The following SERPINB3 variants were observed in gnomAD, a reference collection of about 807,000 sequenced individuals.
SERPINB3 encodes the protein serpin family B member 3, also known as serpin B3.
A neutral mutation model predicts 33.0 loss-of-function variants in SERPINB3; 33 were observed. The observed-to-expected ratio is 1.00, with a 90% confidence interval of 0.76 to 1.34. The LOEUF (loss-of-function observed/expected upper bound fraction) is 1.34, where lower values mean the gene tolerates loss of function less well. Ranked by LOEUF, SERPINB3 falls within the 40% of genes most tolerant of loss-of-function variation. The pLI, the probability that SERPINB3 is intolerant of heterozygous loss-of-function variation, is 0.00. For missense variants in SERPINB3, 518 were observed against 461.5 expected, an observed-to-expected ratio of 1.12 and a Z score of -1.12; for synonymous variants, 200 against 170.9, an observed-to-expected ratio of 1.17 and a Z score of -1.33.
Position 63,657,429 on chromosome 18 carries a change from A to T in SERPINB3, c.470-17T>A. 1 of 1,582,288 alleles carries T rather than the reference A, an allele frequency of 6.3e-7. No homozygotes were observed. Among genetic ancestry groups the T allele is most frequent in the Non-Finnish European group, 8.6e-7 (1 of 1,163,934 alleles). Reference sequence around the variant, plus strand: ...TAATTTTTTCTGCAAGGGAAAGAATAAAAGAGTCTTTTACACAAGCTACAA... The same window carrying T: ...TAATTTTTTCTGCAAGGGAAAGAATTAAAGAGTCTTTTACACAAGCTACAA... On this transcript the variant is annotated splice_polypyrimidine_tract_variant and intron_variant, in intron 5 of 7. Transcript: ENST00000283752.
rs200936767 is a variant in SERPINB3, at chr18:63,661,048, C to T, written c.165+4G>A. 30 of 1,613,470 alleles carry T rather than the reference C, an allele frequency of 1.9e-5. No homozygotes were observed. The Admixed American group carries it at 3.7e-4, about 20-fold the overall frequency. On this transcript the variant is annotated splice_donor_region_variant and intron_variant, in intron 2 of 7. Transcript: ENST00000283752. Reference sequence around the variant, plus strand: ...CAGGACAACATAATGATGCTGATAGCTACCTTCTTAATCTGTTGTGCAGTG... The same window carrying T: ...CAGGACAACATAATGATGCTGATAGTTACCTTCTTAATCTGTTGTGCAGTG...
rs771937049 is a variant in SERPINB3, at chr18:63,655,611, A to G, written c.*46T>C. The G allele has an allele frequency of 1.9e-5, 30 of 1,547,014 alleles. No homozygotes were observed. The highest frequency in any genetic ancestry group is 2.3e-5 in the Non-Finnish European group (26 of 1,142,220). ...TTGCCAGCAATCAGTTTACCAGAAC[A>G]TCTGCAGGTGAACATTTTCCAAATG... On this transcript the variant is annotated 3_prime_UTR_variant, in exon 8 of 8. Coordinates refer to ENST00000283752, the MANE Select transcript of SERPINB3 (RefSeq NM_006919.3).
intron 5 of SERPINB3, 133 bp downstream of exon 5, chr18:63,658,380 T>G: frequency 1.4e-6 from 1 of 691,966 alleles, no homozygotes; most frequent in Non-Finnish European, 2.5e-6. Context: ...AAACTCTTCA[T>G]CTGGAGTGCC....
chr18:63,658,747 A>C, intron 4 of SERPINB3, 117 bp from the exon 5 acceptor site: 1 of 762,534 alleles, frequency 1.3e-6, no homozygotes, highest in Non-Finnish European at 2.1e-6. Context: ...TAGATGCAGT[A>C]TCTCCTGTCC....
At chr18:63,659,248 G>A in intron 4 of SERPINB3, 151 bp downstream of exon 4, 2 of 787,844 alleles carry the variant, frequency 2.5e-6, no homozygotes, top group Admixed American at 3.8e-5. Flanking sequence ...CTCCAGTGGG[G>A]GAGAGTTGTG....
intron 4 of SERPINB3, 43 bp from the exon 5 acceptor site, chr18:63,658,673 A>G (rs1266152022): frequency 7.0e-7 from 1 of 1,435,840 alleles, no homozygotes; most frequent in East Asian, 2.3e-5. Flanking sequence ...AGAGTAATTT[A>G]TGTAACTATA....
At chr18:63,658,685 A>C in intron 4 of SERPINB3, 55 bp from the exon 5 acceptor site, 1 of 1,343,476 alleles carries the variant, frequency 7.4e-7, no homozygotes, top group Non-Finnish European at 1.1e-6. Flanking sequence ...GTAACTATAT[A>C]TTACCAAATT....
chr18:63,657,261 A>G lies in SERPINB3; in HGVS notation c.612+9T>C. 2 of 1,386,520 alleles carry G rather than the reference A, an allele frequency of 1.4e-6. No homozygotes were observed. Among genetic ancestry groups the G allele is most frequent in the South Asian group, 2.6e-5 (2 of 77,902 alleles). 85.9% of individuals were successfully genotyped at this position (1,386,520 alleles called of 1,614,324 possible). A position where few individuals can be genotyped will look rare whatever the true frequency, so the allele number is the denominator to read the frequency against. On this transcript the variant is annotated intron_variant, in intron 6 of 7. Transcript: ENST00000283752. ...ATATTACATTATATAAATAAAATAT[A>G]GACAATACCTTGTTTGGCCAAAATT...
intron 7 of SERPINB3, 48 bp from the exon 8 acceptor site, chr18:63,656,109 A>C (rs751562807): frequency 6.3e-7 from 1 of 1,578,790 alleles, no homozygotes; most frequent in South Asian, 1.2e-5. Context: ...GTTGATTTCT[A>C]ATACACCTTA....
In SERPINB3 at chr18:63,655,865, C is replaced by T. The variant is rs559175012; in HGVS notation, c.965G>A (p.Gly322Asp). The change falls in exon 8 of 8, where the codon GGT becomes GAT. Residue 322 changes from glycine to aspartate, a missense_variant. Transcript: ENST00000283752. ...GTGTAGGACTCCAGATAGCACGAGA[C>T]CGCGGCTCCCGGTCATGCCTGAGAG... ...ADLSGMTGSRGLVLSGVLHKA... is the reference protein window; with the variant it reads ...ADLSGMTGSRDLVLSGVLHKA... 13 of 1,613,978 alleles carry T rather than the reference C, an allele frequency of 8.1e-6. No homozygotes were observed. The Admixed American group carries it at 2.2e-4, about 27-fold the overall frequency.
In SERPINB3 at chr18:63,661,035, A is replaced by G. The variant is rs367779002; in HGVS notation, c.165+17T>C. On this transcript the variant is annotated intron_variant, in intron 2 of 7. Transcript: ENST00000283752. ...AGAAAAACTGCAACAGGACAACATA[A>G]TGATGCTGATAGCTACCTTCTTAAT... is the stretch of plus-strand genomic sequence containing the variant. The G allele has an allele frequency of 3.1e-6, 5 of 1,613,208 alleles. No homozygotes were observed. The highest frequency in any genetic ancestry group is 3.4e-6 in the Non-Finnish European group (4 of 1,179,542).
At chr18:63,658,699 T>C in intron 4 of SERPINB3, 69 bp from the exon 5 acceptor site, 2 of 1,196,118 alleles carry the variant, frequency 1.7e-6, no homozygotes, top group African/African-American at 3.1e-5. Context: ...CCAAATTTAG[T>C]TATTTATAAT....
chr18:63,659,997 G>C (rs1005105661), intron 3 of SERPINB3, among the ~76,000 whole-genome samples: 6 of 152,166 alleles, frequency 3.9e-5, no homozygotes, highest in South Asian at 2.1e-4. Context: ...ATCTGTGACT[G>C]TTTCCTCATG....
chr18:63,658,191 G>C (rs1012439799), intron 5 of SERPINB3, among the ~76,000 whole-genome samples: 1 of 152,082 alleles, frequency 6.6e-6, no homozygotes, highest in Non-Finnish European at 1.5e-5. Context: ...ATAAAATATT[G>C]GTTCTGATTT....
In SERPINB3 at chr18:63,655,853, G is replaced by A. The variant is rs2144490891; in HGVS notation, c.977C>T (p.Ser326Phe). 1 of 1,613,920 alleles carries A rather than the reference G, an allele frequency of 6.2e-7. No homozygotes were observed. The highest frequency in any genetic ancestry group is 8.5e-7 in the Non-Finnish European group (1 of 1,179,934). Residue 326 changes from serine (S) to phenylalanine (F), a missense_variant, in exon 8 of 8, where the codon TCT (serine) becomes TTT (phenylalanine). Physicochemically the swap from Ser to Phe is radical, Grantham distance 155 (BLOSUM62 -2). Transcript: ENST00000283752. ...GMTGSRGLVL[S>F]GVLHKAFVEV... Reference sequence around the variant, plus strand: ...CACAAAGGCCTTGTGTAGGACTCCAGATAGCACGAGACCGCGGCTCCCGGT... The same window carrying A: ...CACAAAGGCCTTGTGTAGGACTCCAAATAGCACGAGACCGCGGCTCCCGGT...
chr18:63,659,391 G>A lies in SERPINB3; in HGVS notation c.351+8C>T. ...CAAATGAAATGTGGGTAGGCCAGGT[G>A]AAATTACCTGTAAAAATAGATACGT... is the stretch of plus-strand genomic sequence containing the variant. On this transcript the variant is annotated splice_region_variant and intron_variant, in intron 4 of 7. Transcript: ENST00000283752. 2 of 1,462,856 alleles carry A rather than the reference G, an allele frequency of 1.4e-6. No homozygotes were observed. The highest frequency in any genetic ancestry group is 1.8e-6 in the Non-Finnish European group (2 of 1,111,430). The allele number at this position is 1,462,856 out of a possible 1,614,324, so 90.6% of individuals were successfully genotyped here.
At position 63,658,532 on chromosome 18, in the gene SERPINB3, C is replaced by A. The variant is rs747850817; in HGVS notation, c.450G>T (p.Trp150Cys). Residue 150 changes from tryptophan to cysteine, a missense_variant, in exon 5 of 8, where the codon TGG (tryptophan) becomes TGT (cysteine). Trp to Cys is a radical substitution (Grantham distance 215). Transcript: ENST00000283752. The stretch of plus-strand genomic sequence containing the variant: ...TCCTACCATTCGTTTGACTTTCCAC[C>A]CAGGAGTTAATCTTCTTTCGACTTT... The part of the protein sequence containing the change: ...PEESRKKINS[W>C]VESQTNEKIK... The A allele has an allele frequency of 1.9e-6, 3 of 1,612,542 alleles. No homozygotes were observed. The highest frequency in any genetic ancestry group is 2.5e-6 in the Non-Finnish European group (3 of 1,179,152).
intron 3 of SERPINB3, among the ~76,000 whole-genome samples, chr18:63,659,992 T>C (rs1437916947): frequency 6.6e-6 from 1 of 152,206 alleles, no homozygotes; most frequent in Non-Finnish European, 1.5e-5. Context: ...GACTGATCTG[T>C]GACTGTTTCC....
chr18:63,661,475 TA>T (rs753391938), intron 1 of SERPINB3, among the ~76,000 whole-genome samples: 1 of 151,964 alleles, frequency 6.6e-6, no homozygotes, highest in Non-Finnish European at 1.5e-5. Flanking sequence ...TGTAAATAAG[TA>T]ATAGACCCTC....
Sources: gnomAD v4.1 joint callset for allele counts (sites outside exome capture counted in the v4.1 genomes callset) on GRCh38, gnomAD v4.1.1 for gene constraint, MANE v1.5 for transcripts, NCBI Gene and HGNC (gene_info 2026-07-23, HGNC 2026-07-21) for gene names.